CTBP2: variants seen among roughly 807,000 people sequenced by gnomAD.
CTBP2 encodes C-terminal-binding protein 2.
A neutral mutation model predicts 80.3 loss-of-function variants in CTBP2; 30 were observed. The observed-to-expected ratio is 0.37, with a 90% CI of 0.28 to 0.51. The LOEUF (loss-of-function observed/expected upper bound fraction) is 0.51. Ranked by LOEUF, CTBP2 falls within the 20% of genes least tolerant of loss-of-function variation. The pLI, the probability that CTBP2 is intolerant of heterozygous loss-of-function variation, is 0.93. For missense variants in CTBP2, 1,212 were observed against 1,375.3 expected, an observed-to-expected ratio of 0.88 and a Z score of 1.88; for synonymous variants, 594 against 587.4, an observed-to-expected ratio of 1.01 and a Z score of -0.16.
In CTBP2 at chr10:125,006,288, G is replaced by A. The variant is rs886520296; in HGVS notation, c.1679-2796C>T. ...GGTTCTCATGCTGGGAAAAGATGCC[G>A]GGCACGACGGCTGGAGGTGGGGGGT... On this transcript the variant is annotated intron_variant, in intron 1 of 8. Coordinates refer to ENST00000309035, the MANE Select transcript of CTBP2 (RefSeq NM_022802.3). 1.1e-4 allele frequency among the ~76,000 whole-genome samples: 16 copies of A among 151,872 alleles called. 1 individual carries two copies. Among genetic ancestry groups the A allele is most frequent in the African/African-American group, 3.4e-4 (14 of 41,326 alleles).
chr10:125,120,048 T>C (rs1854052789), intron 1 of CTBP2, among the ~76,000 whole-genome samples: 1 of 152,230 alleles, frequency 6.6e-6, no homozygotes, highest in African/African-American at 2.4e-5. Flanking sequence ...CTCTTGGGGA[T>C]TTCAATGCAG....
chr10:125,149,873 A>G (rs1381647180), intron 1 of CTBP2, among the ~76,000 whole-genome samples: 1 of 152,206 alleles, frequency 6.6e-6, no homozygotes, highest in Non-Finnish European at 1.5e-5. Flanking sequence ...ATTCCCTGTC[A>G]GTTCTCTGAT....
At chr10:125,006,185 G>A (rs182062721) in intron 1 of CTBP2, among the ~76,000 whole-genome samples, 7 of 152,238 alleles carry the variant, frequency 4.6e-5, no homozygotes, top group African/African-American at 1.7e-4. Context: ...AGGCTGGCCC[G>A]AGACCTGTCC....
In CTBP2 at chr10:125,154,396, G is replaced by A. The variant is rs190687969; in HGVS notation, c.-206+5923C>T. Among the ~76,000 whole-genome samples the A allele has an allele frequency of 7.5e-3, 1,144 of 152,200 alleles. 8 individuals are homozygous for A. The highest frequency in any genetic ancestry group is 0.031 in the Middle Eastern group (9 of 294). On this transcript the variant is annotated intron_variant, in intron 1 of 10. Coordinates refer to the CTBP2 transcript ENST00000337195. ...CCTTTAAACACCAACCGATCTTTGG[G>A]AAAAACGAAGTCTCTATTATTACCT...
At chr10:124,997,815 T>C (rs1332938698) in intron 4 of CTBP2, 149 bp downstream of exon 6, 4 of 769,628 alleles carry the variant, frequency 5.2e-6, no homozygotes, top group Non-Finnish European at 8.2e-6. Flanking sequence ...TTGACTCCGA[T>C]CTCCTACCCC....
At chr10:125,054,988 T>A (rs944501973) in intron 2 of CTBP2, among the ~76,000 whole-genome samples, 3 of 152,144 alleles carry the variant, frequency 2.0e-5, no homozygotes, top group African/African-American at 7.2e-5. Context: ...ACGCTCAACA[T>A]GCACAGAGTT....
rs200963665 is a variant in CTBP2 at position 125,026,066 on chromosome 10, G to A, written c.1678+16C>T. On this transcript the variant is annotated intron_variant, in intron 1 of 8. Transcript: ENST00000309035. ...CCCCAGGTCCCCAGGCAGGGCAGGC[G>A]GGGAGGATGTATTACTTGGTTCTGG... 18 of 1,546,466 alleles carry A rather than the reference G, an allele frequency of 1.2e-5. No individual in the cohort carries two copies. In the South Asian group the frequency reaches 1.5e-4, roughly 13 times the overall value.
intron 2 of CTBP2, among the ~76,000 whole-genome samples, chr10:125,067,094 T>C (rs543980706): frequency 2.6e-5 from 4 of 152,324 alleles, no homozygotes; most frequent in African/African-American, 9.6e-5. Flanking sequence ...AGGCTTACAC[T>C]TTTTTCTTTC....
chr10:125,009,848 G>A (rs1455687896), intron 1 of CTBP2, among the ~76,000 whole-genome samples: 3 of 152,176 alleles, frequency 2.0e-5, no homozygotes, highest in South Asian at 4.1e-4. Flanking sequence ...GGGGGAAGGC[G>A]GTCTGTGGGA....
chr10:125,070,137 G>T lies in CTBP2; in HGVS notation c.-101-30982C>A, dbSNP rs534363560. The stretch of plus-strand genomic sequence containing the variant: ...GAGGCCGAGGCAGGCGGATCACAAA[G>T]TCAGGAGATCTACACCACCCTGGCT... On this transcript the variant is annotated intron_variant, in intron 2 of 10. Transcript: ENST00000337195. Among the ~76,000 whole-genome samples the T allele has an allele frequency of 4.0e-3, 296 of 74,466 alleles. 1 individual carries two copies. The highest frequency in any genetic ancestry group is 0.015 in the African/African-American group (282 of 18,518). The allele number at this position is 74,466 out of a possible 152,430, so 48.9% of individuals were successfully genotyped here.
chr10:125,019,323 T>A (rs536229520), intron 1 of CTBP2, among the ~76,000 whole-genome samples: 1 of 152,294 alleles, frequency 6.6e-6, no homozygotes, highest in South Asian at 2.1e-4. Flanking sequence ...TATTTCTCTT[T>A]CATAAACTTA....
At chr10:125,116,340 G>T (rs553398926) in intron 1 of CTBP2, among the ~76,000 whole-genome samples, 1 of 152,126 alleles carries the variant, frequency 6.6e-6, no homozygotes, top group African/African-American at 2.4e-5. Context: ...ACGAGTGAAC[G>T]CCCTCTGCCT....
In CTBP2 at chr10:124,993,292, T is replaced by C; in HGVS notation, c.2569A>G (p.Ile857Val). 1 of 1,609,450 alleles carries C rather than the reference T, an allele frequency of 6.2e-7. No homozygotes were observed. ...TACCAGGCAGTGTGAGGAGTGCAGATGAGATTCGGGGCATCTTTCAACGGA... is the reference window on the plus strand; with the variant it reads ...TACCAGGCAGTGTGAGGAGTGCAGACGAGATTCGGGGCATCTTTCAACGGA... The change falls in exon 7 of 9, where the codon ATC becomes GTC. Residue 857 changes from isoleucine (I) to valine (V), a missense_variant. Coordinates refer to ENST00000309035, the MANE Select transcript of CTBP2 (RefSeq NM_022802.3).
At chr10:125,030,988 G>A (rs927251726), upstream of CTBP2, among the ~76,000 whole-genome samples, 1 of 152,240 alleles carries the variant, frequency 6.6e-6, no homozygotes, top group African/African-American at 2.4e-5. Flanking sequence ...CCAGGACGGA[G>A]CCACCACAGT....
chr10:124,994,039 T>C lies in CTBP2; in HGVS notation c.2401-54A>G. The C allele has an allele frequency of 2.5e-6, 4 of 1,605,032 alleles. No homozygotes were observed. The South Asian group carries it at 4.5e-5, about 18-fold the overall frequency. On this transcript the variant is annotated intron_variant, in intron 5 of 8. Transcript: ENST00000309035. ...GGCACACTGGCATGGTGGAAGACTC[T>C]TGTACCAAGGTTTAAAGAAGAAAGC...
In CTBP2 at chr10:124,986,288, C is replaced by CGT. The variant is rs1952038522; in HGVS notation, c.*3229_*3230insAC. 1 of 16,026 alleles carries CGT rather than the reference C, an allele frequency of 6.2e-5. No homozygotes were observed. Among genetic ancestry groups the CGT allele is most frequent in the South Asian group, 3.2e-3 (1 of 310 alleles). 1.0% of individuals were successfully genotyped at this position (16,026 alleles called of 1,614,324 possible). ...GAAAGACGACACACGCACGCGCGCG[C>CGT]GCGCACACACACACACACACACACA... On this transcript the variant is annotated 3_prime_UTR_variant, in exon 9 of 9. Transcript: ENST00000309035.
chr10:125,124,237 C>T (rs988203075), intron 1 of CTBP2, among the ~76,000 whole-genome samples: 2 of 152,148 alleles, frequency 1.3e-5, no homozygotes, highest in African/African-American at 4.8e-5. Context: ...TTTTGTATCA[C>T]CCGAAAGGTC....
intron 2 of CTBP2, among the ~76,000 whole-genome samples, chr10:125,067,504 A>T (rs1003996412): frequency 1.3e-5 from 2 of 152,248 alleles, no homozygotes; most frequent in Non-Finnish European, 2.9e-5. Context: ...TCTCCATGTA[A>T]CCTTCTAGAC....
chr10:124,990,809 CCT>C (rs897088106), intron 8 of CTBP2, among the ~76,000 whole-genome samples: 7 of 152,206 alleles, frequency 4.6e-5, no homozygotes, highest in African/African-American at 1.7e-4. Flanking sequence ...GTGCTCTGGC[CCT>C]CTCTCTGCCA....
Sources: allele counts gnomAD v4.1 joint callset (sites outside exome capture counted in the v4.1 genomes callset), GRCh38; gene constraint gnomAD v4.1.1; transcripts MANE v1.5; gene names NCBI Gene and HGNC (gene_info 2026-07-23, HGNC 2026-07-21).